STAMBPL1: variants seen among roughly 807,000 people sequenced by gnomAD.
STAMBPL1 encodes the protein STAM binding protein like 1.
Under a neutral mutation model 52.9 loss-of-function variants are expected in STAMBPL1, and 44 were observed. The ratio of observed to expected loss-of-function variants is 0.83; its 90% CI spans 0.65 to 1.07. STAMBPL1 has a LOEUF of 1.07. Ranked by LOEUF, STAMBPL1 falls within the 50% of genes least tolerant of loss-of-function variation. The pLI, the probability that STAMBPL1 is intolerant of heterozygous loss-of-function variation, is 0.00. For missense variants in STAMBPL1, 511 were observed against 520.8 expected, an observed-to-expected ratio of 0.98 and a Z score of 0.18; for synonymous variants, 164 against 177.3, an observed-to-expected ratio of 0.92 and a Z score of 0.60.
intron 9 of STAMBPL1, 133 bp from the exon 10 acceptor site, chr10:88,922,204 C>A: frequency 1.2e-6 from 1 of 827,978 alleles, no homozygotes; most frequent in Non-Finnish European, 1.9e-6. Context: ...AAAAAAAAAT[C>A]ACTATGGAAT....
chr10:88,886,470 C>A (rs1208028856), intron 1 of STAMBPL1, among the ~76,000 whole-genome samples: 1 of 151,820 alleles, frequency 6.6e-6, no homozygotes, highest in Non-Finnish European at 1.5e-5. Flanking sequence ...TTTTAAATTT[C>A]ATGAGTTTAA....
chr10:88,893,807 A>C (rs1844745275), intron 1 of STAMBPL1: 1 of 152,210 alleles, frequency 6.6e-6, no homozygotes, highest in East Asian at 1.9e-4. Context: ...ATAATGAATC[A>C]GATAGTTGTA....
At chr10:88,909,511 A>G (rs1307139300) in intron 4 of STAMBPL1, among the ~76,000 whole-genome samples, 2 of 152,238 alleles carry the variant, frequency 1.3e-5, no homozygotes, top group African/African-American at 4.8e-5. Flanking sequence ...ACTTTACCAA[A>G]TAATGAAATA....
intron 2 of STAMBPL1, 61 bp from the exon 3 acceptor site, chr10:88,905,382 A>G: frequency 7.9e-7 from 1 of 1,266,934 alleles, no homozygotes; most frequent in Non-Finnish European, 1.2e-6. Flanking sequence ...CCATAATATT[A>G]GTCATATCCT....
intron 10 of STAMBPL1, among the ~76,000 whole-genome samples, 199 bp downstream of exon 10, chr10:88,922,635 T>A (rs1429385140): frequency 6.6e-6 from 1 of 152,214 alleles, no homozygotes; most frequent in Non-Finnish European, 1.5e-5. Context: ...CAAGGAAACA[T>A]CAGTATTTCT....
chr10:88,896,501 T>A (rs1844813498), intron 1 of STAMBPL1, among the ~76,000 whole-genome samples: 2 of 152,204 alleles, frequency 1.3e-5, no homozygotes. Flanking sequence ...CTGAGTAAAT[T>A]GCACCATGTT....
At position 88,918,058 on chromosome 10, in the gene STAMBPL1, C is replaced by T. The variant is rs777036325; in HGVS notation, c.1041+1241C>T. On this transcript the variant is annotated intron_variant, in intron 8 of 10. Transcript: ENST00000371926. ...TCATCACCTCCCAAAGACCACACTT[C>T]TTAATACTGTTGCATTGAGGATTAA... Among the ~76,000 whole-genome samples the T allele has an allele frequency of 2.6e-5, 4 of 152,218 alleles. No homozygotes were observed. The South Asian group carries it at 8.3e-4, about 32-fold the overall frequency.
rs1279380998 is a variant in STAMBPL1, at chr10:88,914,331, TA to T, written c.779-199del. ...TGCTTGTACCTTCTGATTTTGCTTA[TA>T]AAATAATTTATATACATAATTTAAT... On this transcript the variant is annotated intron_variant, in intron 6 of 10. Coordinates refer to ENST00000371926, the MANE Select transcript of STAMBPL1 (RefSeq NM_020799.4). Among the ~76,000 whole-genome samples the T allele has an allele frequency of 3.9e-5, 6 of 152,298 alleles. No homozygotes were observed. In the South Asian group the frequency reaches 6.2e-4, roughly 16 times the overall value.
At chr10:88,901,537 T>G in intron 1 of STAMBPL1, 119 bp from the exon 2 acceptor site, 1 of 540,184 alleles carries the variant, frequency 1.9e-6, no homozygotes, top group Non-Finnish European at 3.2e-6. Flanking sequence ...AACACTCAGG[T>G]TATATAGGTT....
chr10:88,922,685 A>G (rs1034394195), intron 10 of STAMBPL1, among the ~76,000 whole-genome samples: 2 of 152,170 alleles, frequency 1.3e-5, no homozygotes, highest in Non-Finnish European at 2.9e-5. Flanking sequence ...CTTTCCGCTT[A>G]TGTATATGTA....
chr10:88,913,589 T>A, intron 6 of STAMBPL1, 131 bp downstream of exon 6: 1 of 762,768 alleles, frequency 1.3e-6, no homozygotes. Context: ...ATGGTATGAA[T>A]GAAAGAATTA....
At position 88,922,374 on chromosome 10, in the gene STAMBPL1, G is replaced by A; in HGVS notation, c.1192G>A (p.Glu398Lys). 6.2e-7 allele frequency: 1 copy of A among 1,613,358 alleles called. No homozygotes were observed. The change falls in exon 10 of 11, where the codon GAG (glutamate) becomes AAG (lysine). Residue 398 changes from glutamate to lysine, a missense_variant. Glu to Lys is a moderately conservative substitution (Grantham distance 56). Coordinates refer to ENST00000371926, the MANE Select transcript of STAMBPL1 (RefSeq NM_020799.4). The part of the protein sequence containing the change: ...IFRLTNAGML[E>K]VSACKKKGFH... ...CAGGCTCACCAATGCTGGCATGCTT[G>A]AGGTTTCTGCTTGTAAAAAAAAGGG... is the stretch of plus-strand genomic sequence containing the variant.
chr10:88,914,501 T>C, intron 6 of STAMBPL1, 33 bp from the exon 7 acceptor site: 1 of 1,454,404 alleles, frequency 6.9e-7, no homozygotes, highest in South Asian at 1.5e-5. Flanking sequence ...TATAGTTTGT[T>C]TTTTAGCCTT....
intron 1 of STAMBPL1, among the ~76,000 whole-genome samples, chr10:88,886,564 T>C (rs1844539137): frequency 2.0e-5 from 3 of 152,132 alleles, no homozygotes. Flanking sequence ...TATAGTGGCA[T>C]CACAGTAACT....
In STAMBPL1 at chr10:88,905,427, A is replaced by C. The variant is rs1398149685; in HGVS notation, c.31-16A>C. ...ATAATCAACAGTTAATCAGAGATTT[A>C]AATTTTGCTTTGCAGAAAAAGTTAG... On this transcript the variant is annotated splice_polypyrimidine_tract_variant and intron_variant, in intron 2 of 10. Transcript: ENST00000371926. The C allele has an allele frequency of 6.2e-7, 1 of 1,602,978 alleles. No individual in the cohort carries two copies. Among genetic ancestry groups the C allele is most frequent in the East Asian group, 2.2e-5 (1 of 44,826 alleles).
chr10:88,891,148 T>A (rs75877942), intron 1 of STAMBPL1, among the ~76,000 whole-genome samples: 5,974 of 152,154 alleles, frequency 0.039, 396 homozygotes, highest in African/African-American at 0.14. Context: ...AAAAATAAAT[T>A]CCACACAGGT....
chr10:88,904,136 T>A (rs1845014918), intron 2 of STAMBPL1, among the ~76,000 whole-genome samples: 1 of 152,208 alleles, frequency 6.6e-6, no homozygotes, highest in Non-Finnish European at 1.5e-5. Flanking sequence ...TAGTCAGACT[T>A]GCAACCTACC....
chr10:88,897,492 G>A (rs1465921751), intron 1 of STAMBPL1, among the ~76,000 whole-genome samples: 5 of 152,196 alleles, frequency 3.3e-5, no homozygotes, highest in Non-Finnish European at 1.5e-5. Flanking sequence ...GAACTCTGAA[G>A]AGATATCTTA....
chr10:88,913,038 T>G, intron 5 of STAMBPL1, 63 bp from the exon 6 acceptor site: 1 of 1,366,442 alleles, frequency 7.3e-7, no homozygotes, highest in Non-Finnish European at 1.0e-6. Context: ...TGAAAATGTC[T>G]AATTCCAGTT....
Sources: gnomAD v4.1 joint callset for allele counts (sites outside exome capture counted in the v4.1 genomes callset) on GRCh38, gnomAD v4.1.1 for gene constraint, MANE v1.5 for transcripts, NCBI Gene and HGNC (gene_info 2026-07-23, HGNC 2026-07-21) for gene names.